Variants in DDX5 observed in about 807,000 individuals in gnomAD.
The protein encoded by DDX5 is probable ATP-dependent RNA helicase DDX5.
DDX5 carries 6 observed loss-of-function variants against 68.6 expected under a neutral mutation model. The ratio of observed to expected loss-of-function variants is 0.09; its 90% CI spans 0.05 to 0.17. The LOEUF (loss-of-function observed/expected upper bound fraction) is 0.17. Among genes scored for constraint, DDX5 ranks in the 10% least tolerant of loss-of-function variants. The pLI, the probability that DDX5 is intolerant of heterozygous loss-of-function variation, is 1.00. For missense variants in DDX5, 499 were observed against 756.1 expected (o/e 0.66, Z 3.99); for synonymous variants, 350 against 247.0 (o/e 1.42, Z -3.91).
Position 64,502,543 on chromosome 17 carries a change from A to C in DDX5, c.990T>G (p.Ile330Met). 2 of 1,598,470 alleles carry C rather than the reference A, an allele frequency of 1.3e-6. No homozygotes were observed. Among genetic ancestry groups the C allele is most frequent in the Non-Finnish European group, 1.7e-6 (2 of 1,166,662 alleles). Residue 330 changes from isoleucine to methionine, a missense_variant, in exon 9 of 13, where the codon ATT becomes ATG. Physicochemically the swap from Ile to Met is conservative, Grantham distance 10. Coordinates refer to ENST00000225792, the MANE Select transcript of DDX5 (RefSeq NM_004396.5). ...CACTCATGATCTCTTCCATTAGACGAATAAGTCTAATAATAGGAGAGAGAA... is the reference window on the plus strand; with the variant it reads ...CACTCATGATCTCTTCCATTAGACGCATAAGTCTAATAATAGGAGAGAGAA... ...CHDVEKDEKL[I>M]RLMEEIMSEK...
chr17:64,505,235 G>A (rs2038422894), intron 1 of DDX5: 1 of 251,974 alleles, frequency 4.0e-6, no homozygotes. Flanking sequence ...GCATCACGAC[G>A]ATGTTACTCA....
intron 1 of DDX5, chr17:64,505,079 A>G: frequency 2.5e-6 from 1 of 400,836 alleles, no homozygotes; most frequent in Non-Finnish European, 4.4e-6. Context: ...TCATGTCGGA[A>G]GCCGGGGATT....
rs1279332544 is a variant in DDX5, at chr17:64,503,448, T to C, written c.631A>G (p.Ile211Val). The C allele has an allele frequency of 4.3e-6, 7 of 1,614,108 alleles. No individual in the cohort carries two copies. The African/African-American group carries it at 5.3e-5, about 12-fold the overall frequency. Residue 211 changes from isoleucine to valine, a missense_variant, in exon 6 of 13, where the codon ATA (isoleucine) becomes GTA (valine). By Grantham distance (29) the Ile-to-Val change is conservative (BLOSUM62 3). This residue lies in a region of DDX5 where 141 missense variants were observed against 279.8 expected (regional missense o/e 0.50). Coordinates refer to ENST00000225792, the MANE Select transcript of DDX5 (RefSeq NM_004396.5). Reference sequence around the variant, plus strand: ...TACATACCTCTCTCCAAATCACGTATTTGTGGTCCCTTAGGAGCACCACCG... The same window carrying C: ...TACATACCTCTCTCCAAATCACGTACTTGTGGTCCCTTAGGAGCACCACCG... ...IYGGAPKGPQ[I>V]RDLERGVEIC...
chr17:64,500,281 C>G lies in DDX5; in HGVS notation c.1487G>C (p.Arg496Thr). Residue 496 changes from arginine (R) to threonine (T), a missense_variant, in exon 13 of 13, where the codon AGA becomes ACA. By Grantham distance (71) the Arg-to-Thr change is moderately conservative. Transcript: ENST00000225792. ...TCCACCCCTTTTGCCCGCAGAGTAT[C>G]TGTCCCGACGGTCATCCTTCATGCC... is the stretch of plus-strand genomic sequence containing the variant. ...RGGMKDDRRD[R>T]YSAGKRGGFN... The G allele has an allele frequency of 6.2e-7, 1 of 1,614,080 alleles. No individual in the cohort carries two copies.
intron 11 of DDX5, chr17:64,501,719 G>C: frequency 2.2e-6 from 1 of 450,476 alleles, no homozygotes. Flanking sequence ...TTTTTCCCTC[G>C]GAGAGAACAG....
chr17:64,504,572 G>C, intron 2 of DDX5, 105 bp downstream of exon 2: 1 of 1,350,548 alleles, frequency 7.4e-7, no homozygotes, highest in Middle Eastern at 1.9e-4. Flanking sequence ...GTCAGAACAT[G>C]TAACTCTACC....
At position 64,499,778 on chromosome 17, in the gene DDX5, A is replaced by T; in HGVS notation, c.*145T>A. Reference sequence around the variant, plus strand: ...AGGAATGTAGAGAAATATCCAACTTAAATAGCGAAAAAGTGCACCATAATT... The same window carrying T: ...AGGAATGTAGAGAAATATCCAACTTTAATAGCGAAAAAGTGCACCATAATT... On this transcript the variant is annotated 3_prime_UTR_variant, in exon 13 of 13. Coordinates refer to ENST00000225792, the MANE Select transcript of DDX5 (RefSeq NM_004396.5). 1.4e-6 allele frequency: 1 copy of T among 726,510 alleles called. No individual in the cohort carries two copies. The highest frequency in any genetic ancestry group is 2.0e-6 in the Non-Finnish European group (1 of 489,598). The allele number at this position is 726,510 out of a possible 1,614,324, so 45.0% of individuals were successfully genotyped here. A position where few individuals can be genotyped will look rare whatever the true frequency, so the allele number is the denominator to read the frequency against.
At chr17:64,503,643 A>G (rs891844431) in intron 5 of DDX5, 72 bp from the exon 6 acceptor site, 15 of 1,586,286 alleles carry the variant, frequency 9.5e-6, no homozygotes, top group Non-Finnish European at 1.3e-5. Flanking sequence ...TTATACTAGC[A>G]GATCCTTTCT....
chr17:64,503,653 TTCA>T, intron 5 of DDX5, 82 bp from the exon 6 acceptor site: 8 of 1,577,330 alleles, frequency 5.1e-6, no homozygotes, highest in Non-Finnish European at 6.0e-6. Context: ...AGATCCTTTC[TTCA>T]TGTGTTGTCC....
intron 1 of DDX5, 95 bp from the exon 2 acceptor site, chr17:64,504,937 G>A (rs2038395083): frequency 1.6e-6 from 2 of 1,228,916 alleles, no homozygotes; most frequent in Admixed American, 2.7e-5. Context: ...AAAAACCACT[G>A]AAAACAGACT....
Position 64,499,848 on chromosome 17 carries a change from T to C in DDX5, c.*75A>G, listed in dbSNP as rs10186. On this transcript the variant is annotated 3_prime_UTR_variant, in exon 13 of 13. Coordinates refer to ENST00000225792, the MANE Select transcript of DDX5 (RefSeq NM_004396.5). ...TTCTGCAATTCCCATGTTTCTTAAA[T>C]AACTATCTTGTCAGATAACACACAA... 2 of 1,364,668 alleles carry C rather than the reference T, an allele frequency of 1.5e-6. No individual in the cohort carries two copies. The highest frequency in any genetic ancestry group is 2.0e-6 in the Non-Finnish European group (2 of 1,023,666). 84.5% of individuals were successfully genotyped at this position (1,364,668 alleles called of 1,614,324 possible). A position where few individuals can be genotyped will look rare whatever the true frequency, so the allele number is the denominator to read the frequency against.
In DDX5 at chr17:64,499,474, T is replaced by TC. The variant is rs2038239417; in HGVS notation, c.*448dup. 3 of 215,216 alleles carry TC rather than the reference T, an allele frequency of 1.4e-5. No homozygotes were observed. In the East Asian group the frequency reaches 2.1e-4, roughly 15 times the overall value. 13.3% of individuals were successfully genotyped at this position (215,216 alleles called of 1,614,324 possible). A position where few individuals can be genotyped will look rare whatever the true frequency, so the allele number is the denominator to read the frequency against. On this transcript the variant is annotated 3_prime_UTR_variant, in exon 13 of 13. Coordinates refer to ENST00000225792, the MANE Select transcript of DDX5 (RefSeq NM_004396.5). ...TCATTATAAAGAAGGGCCTTCTGAT[T>TC]CCCCCTGCCTCCCAAATTAAATAAA...
In DDX5 at chr17:64,499,661, CTTCA is replaced by C. The variant is rs1212095785; in HGVS notation, c.*258_*261del. 2.8e-6 allele frequency: 1 copy of C among 359,072 alleles called. No homozygotes were observed. Among genetic ancestry groups the C allele is most frequent in the Admixed American group, 4.3e-5 (1 of 23,284 alleles). 22.2% of individuals were successfully genotyped at this position (359,072 alleles called of 1,614,324 possible). On this transcript the variant is annotated 3_prime_UTR_variant, in exon 13 of 13. Coordinates refer to ENST00000225792, the MANE Select transcript of DDX5 (RefSeq NM_004396.5). Reference sequence around the variant, plus strand: ...TTTTTATTGGAAGGCCATGCATTGCCTTCATTTATTGTATTTCAAATCACTGTAC... The same window carrying C: ...TTTTTATTGGAAGGCCATGCATTGCCTTTATTGTATTTCAAATCACTGTAC...
chr17:64,505,769 C>G, intron 1 of DDX5: 1 of 1,536,178 alleles, frequency 6.5e-7, no homozygotes. Context: ...CTTCGTCTGC[C>G]TCGAAGCGTC....
At chr17:64,505,856 C>T (rs566114785) in intron 1 of DDX5, 2 of 1,536,086 alleles carry the variant, frequency 1.3e-6, no homozygotes, top group East Asian at 2.4e-5. Context: ...GACAGCTCCC[C>T]AATCCCCACA....
At chr17:64,506,382 C>T (rs905348334), upstream of DDX5, 9 of 1,411,444 alleles carry the variant, frequency 6.4e-6, no homozygotes, top group Non-Finnish European at 7.4e-6. Context: ...AATCGCCCCG[C>T]CCCTCGCGCA....
At chr17:64,506,781 A>AC, upstream of DDX5, 1 of 528,656 alleles carries the variant, frequency 1.9e-6, no homozygotes. Context: ...GCACCCCGGG[A>AC]CCCGCCCGGG....
Position 64,503,215 on chromosome 17 carries a change from T to G in DDX5, c.783A>C (p.Gln261His). 6.2e-7 allele frequency: 1 copy of G among 1,614,176 alleles called. No homozygotes were observed. The highest frequency in any genetic ancestry group is 8.5e-7 in the Non-Finnish European group (1 of 1,180,028). ...TTATTTGATCCACAATCTTCCTTAT[T>G]TGGGGTTCAAAGCCCATATCAAGCA... is the stretch of plus-strand genomic sequence containing the variant. ...DRMLDMGFEPQIRKIVDQIRP... is the reference protein window; with the variant it reads ...DRMLDMGFEPHIRKIVDQIRP... Residue 261 changes from glutamine (Q) to histidine (H), a missense_variant, in exon 7 of 13, where the codon CAA becomes CAC. Coordinates refer to ENST00000225792, the MANE Select transcript of DDX5 (RefSeq NM_004396.5).
Position 64,503,814 on chromosome 17 carries a change from C to T in DDX5, c.496G>A (p.Asp166Asn), listed in dbSNP as rs371660024. 6 of 1,614,002 alleles carry T rather than the reference C, an allele frequency of 3.7e-6. No individual in the cohort carries two copies. The highest frequency in any genetic ancestry group is 2.7e-5 in the African/African-American group (2 of 74,904). ...AAATATATACTTACAATAGGCCCATCGCCTCTCTCTAGGAATGGCTGATGA... is the reference window on the plus strand; with the variant it reads ...AAATATATACTTACAATAGGCCCATTGCCTCTCTCTAGGAATGGCTGATGA... ...INHQPFLERG[D>N]GPICLVLAPT... is the part of the protein sequence containing the mutation. Residue 166 changes from aspartate to asparagine, a missense_variant, in exon 5 of 13, where the codon GAT becomes AAT. Physicochemically the swap from Asp to Asn is conservative, Grantham distance 23. Coordinates refer to ENST00000225792, the MANE Select transcript of DDX5 (RefSeq NM_004396.5).
Sources: gnomAD v4.1 joint callset for allele counts on GRCh38, gnomAD v4.1.1 for gene constraint, gnomAD v4.1.1 regional missense constraint, MANE v1.5 for transcripts, NCBI Gene and HGNC (gene_info 2026-07-23, HGNC 2026-07-21) for gene names.